SEM1: variants seen among roughly 807,000 people sequenced by gnomAD.
SEM1 encodes SEM1 26S proteasome subunit.
SEM1 carries 3 observed loss-of-function variants against 12.7 expected under a neutral mutation model. That is an observed-to-expected ratio of 0.24 (90% CI 0.11 to 0.61). The LOEUF is 0.61. Ranked by LOEUF, SEM1 falls within the 20% of genes least tolerant of loss-of-function variation. The pLI is 0.88. For missense variants in SEM1, 59 were observed against 81.3 expected, an observed-to-expected ratio of 0.73 and a Z score of 1.06; for synonymous variants, 30 against 27.8, an observed-to-expected ratio of 1.08 and a Z score of -0.25.
chr7:96,595,420 G>A (rs962868118), intron 2 of SEM1, among the ~76,000 whole-genome samples: 5 of 152,166 alleles, frequency 3.3e-5, no homozygotes, highest in Admixed American at 1.3e-4. Flanking sequence ...GCTGAGGTGG[G>A]AGGATGACTT....
intron 2 of SEM1, among the ~76,000 whole-genome samples, chr7:96,646,957 T>C (rs1808813859): frequency 6.6e-6 from 1 of 152,200 alleles, no homozygotes; most frequent in Non-Finnish European, 1.5e-5. Context: ...CCTTTCAAAC[T>C]ACAGTTAGAT....
chr7:96,530,168 G>A (rs1352767444), intron 2 of SEM1, among the ~76,000 whole-genome samples: 1 of 152,122 alleles, frequency 6.6e-6, no homozygotes, highest in Non-Finnish European at 1.5e-5. Flanking sequence ...GGAAAGGCAA[G>A]ATTGCTAGGA....
At chr7:96,666,185 A>C (rs1789166853) in intron 2 of SEM1, among the ~76,000 whole-genome samples, 1 of 152,190 alleles carries the variant, frequency 6.6e-6, no homozygotes, top group Admixed American at 6.5e-5. Flanking sequence ...AAGAAATCTT[A>C]AAAGTTTTCC....
At chr7:96,639,632 A>G (rs1420125775) in intron 2 of SEM1, among the ~76,000 whole-genome samples, 1 of 151,960 alleles carries the variant, frequency 6.6e-6, no homozygotes, top group Non-Finnish European at 1.5e-5. Context: ...CCCTAGAAAT[A>G]ACATAGGAGT....
intron 2 of SEM1, chr7:96,664,366 AT>A (rs1789106207): frequency 6.6e-6 from 1 of 152,146 alleles, no homozygotes; most frequent in Non-Finnish European, 1.5e-5. Flanking sequence ...TTCCCTGTTT[AT>A]TCACCATAAC....
At chr7:96,598,350 G>A (rs1807069756) in intron 2 of SEM1, among the ~76,000 whole-genome samples, 1 of 151,684 alleles carries the variant, frequency 6.6e-6, no homozygotes, top group Non-Finnish European at 1.5e-5. Context: ...GTTTGTCATG[G>A]CTACCTTATT....
chr7:96,621,023 T>C (rs1313764354), downstream of SEM1, among the ~76,000 whole-genome samples: 1 of 152,186 alleles, frequency 6.6e-6, no homozygotes, highest in East Asian at 1.9e-4. Flanking sequence ...GCCCCAGATT[T>C]GACCCATCTT....
intron 1 of SEM1, among the ~76,000 whole-genome samples, chr7:96,699,898 G>A (rs1790217487): frequency 2.7e-5 from 4 of 150,514 alleles, no homozygotes; most frequent in Middle Eastern, 3.4e-3. Context: ...CTCTAGCTTG[G>A]TGTTAAAACC....
chr7:96,707,849 C>T (rs988933702), intron 1 of SEM1, among the ~76,000 whole-genome samples: 23 of 152,140 alleles, frequency 1.5e-4, no homozygotes, highest in Non-Finnish European at 3.4e-4. Flanking sequence ...ATTTTAAATG[C>T]GGGTTCATTC....
chr7:96,502,552 C>T (rs1464304525), intron 3 of SEM1, among the ~76,000 whole-genome samples: 2 of 152,152 alleles, frequency 1.3e-5, no homozygotes, highest in East Asian at 3.9e-4. Flanking sequence ...ATCTCACTAA[C>T]TTGTGAGAAT....
intron 2 of SEM1, among the ~76,000 whole-genome samples, chr7:96,624,934 A>T (rs1369012840): frequency 6.6e-6 from 1 of 152,188 alleles, no homozygotes; most frequent in Non-Finnish European, 1.5e-5. Flanking sequence ...CATAATGCTG[A>T]TAGAATTAAT....
chr7:96,483,866 G>A (rs1346035745), exon 4 of SEM1: 1 of 1,536,708 alleles, frequency 6.5e-7, no homozygotes, highest in African/African-American at 1.4e-5. Flanking sequence ...CTGCTAGCAA[G>A]TTCTTTCTGC....
chr7:96,607,143 G>A (rs983466043), intron 2 of SEM1, among the ~76,000 whole-genome samples: 2 of 152,142 alleles, frequency 1.3e-5, no homozygotes, highest in African/African-American at 4.8e-5. Flanking sequence ...ACTGCTCTAG[G>A]TGCTGAGGAT....
chr7:96,602,466 G>C (rs924806271), intron 2 of SEM1, among the ~76,000 whole-genome samples: 11 of 152,094 alleles, frequency 7.2e-5, no homozygotes, highest in Non-Finnish European at 1.3e-4. Context: ...GCACTCTTCA[G>C]CTCACCAATA....
chr7:96,508,575 C>T (rs1803829036), intron 2 of SEM1, among the ~76,000 whole-genome samples: 1 of 152,154 alleles, frequency 6.6e-6, no homozygotes, highest in Admixed American at 6.6e-5. Context: ...AGATAATCAT[C>T]TTGCATCTGG....
At chr7:96,643,626 TA>T (rs1342154194) in intron 2 of SEM1, among the ~76,000 whole-genome samples, 2 of 152,046 alleles carry the variant, frequency 1.3e-5, no homozygotes, top group African/African-American at 4.8e-5. Flanking sequence ...TATGCAGCCA[TA>T]AAAAAGGACG....
At chr7:96,593,098 T>G (rs563785761) in intron 2 of SEM1, among the ~76,000 whole-genome samples, 30 of 152,156 alleles carry the variant, frequency 2.0e-4, no homozygotes, top group Non-Finnish European at 3.7e-4. Flanking sequence ...ACATGATAGA[T>G]TTACTGAATC....
At chr7:96,699,070 C>A (rs1309226368) in intron 1 of SEM1, among the ~76,000 whole-genome samples, 1 of 152,088 alleles carries the variant, frequency 6.6e-6, no homozygotes, top group Admixed American at 6.6e-5. Context: ...CATCTTGGTA[C>A]CCTCATTCTG....
At chr7:96,519,517 A>AT (rs1386306068) in intron 2 of SEM1, among the ~76,000 whole-genome samples, 1 of 151,972 alleles carries the variant, frequency 6.6e-6, no homozygotes, top group Non-Finnish European at 1.5e-5. Flanking sequence ...GTGGGTTGAG[A>AT]TTTTTTAAAT....
Sources: gnomAD v4.1 joint callset for allele counts (sites outside exome capture counted in the v4.1 genomes callset) on GRCh38, gnomAD v4.1.1 for gene constraint, MANE v1.5 for transcripts, NCBI Gene and HGNC (gene_info 2026-07-23, HGNC 2026-07-21) for gene names.